Variants in FAM184A observed in about 807,000 individuals in gnomAD.
FAM184A encodes protein FAM184A.
FAM184A carries 99 observed loss-of-function variants against 143.8 expected under a neutral mutation model. The observed-to-expected ratio is 0.69, with a 90% CI of 0.58 to 0.81. FAM184A has a LOEUF of 0.81. FAM184A is among the 40% of genes least tolerant of loss of function. The pLI is 0.00. For synonymous variants in FAM184A, 427 were observed against 446.4 expected, an observed-to-expected ratio of 0.96 and a Z score of 0.55; for missense variants, 1,217 against 1,310.5, an observed-to-expected ratio of 0.93 and a Z score of 1.10.
At chr6:119,087,571 A>T (rs191826488) in intron 1 of FAM184A, among the ~76,000 whole-genome samples, 7 of 152,362 alleles carry the variant, frequency 4.6e-5, no homozygotes, top group African/African-American at 1.7e-4. Context: ...CTGCTATCAA[A>T]AAAACAAAAC....
At chr6:119,146,793 A>G (rs1772450853) in intron 1 of FAM184A, among the ~76,000 whole-genome samples, 1 of 152,080 alleles carries the variant, frequency 6.6e-6, no homozygotes, top group Non-Finnish European at 1.5e-5. Context: ...TAGAGTTAAA[A>G]TCACTAGCAG....
intron 1 of FAM184A, among the ~76,000 whole-genome samples, chr6:119,125,420 T>C (rs59989777): frequency 0.032 from 4,928 of 152,148 alleles, 126 homozygotes; most frequent in African/African-American, 0.064. Flanking sequence ...GGACTATAGG[T>C]CGGGACTATG....
intron 5 of FAM184A, among the ~76,000 whole-genome samples, chr6:119,012,806 G>T (rs1188394017): frequency 6.6e-6 from 1 of 152,168 alleles, no homozygotes; most frequent in African/African-American, 2.4e-5. Flanking sequence ...GCCAGCCAAG[G>T]GCCAACTTGC....
Position 119,024,035 on chromosome 6 carries a change from T to C in FAM184A, c.938A>G (p.Gln313Arg), listed in dbSNP as rs1443325519. 1.9e-6 allele frequency: 3 copies of C among 1,613,934 alleles called. No individual in the cohort carries two copies. In the African/African-American group the frequency reaches 4.0e-5, roughly 22 times the overall value. ...GKLKTELQMV[Q>R]DEAGSLLDKC... The stretch of plus-strand genomic sequence containing the variant: ...GTCAAGAAGACTTCCAGCTTCATCC[T>C]GTACCATCTGTAACTCTGTCTTTAA... The change falls in exon 2 of 18, where the codon CAG (glutamine) becomes CGG (arginine). Residue 313 changes from glutamine (Q) to arginine (R), a missense_variant. Transcript: ENST00000338891.
In FAM184A at chr6:119,107,360, T is replaced by C. The variant is rs373482407; in HGVS notation, c.-202+41718A>G. The stretch of plus-strand genomic sequence containing the variant: ...TACTCAGGAATAGAAGTAAAGATTA[T>C]AATTTGGAGTGCATGGAATGGCAAG... On this transcript the variant is annotated intron_variant, in intron 1 of 16. Transcript: ENST00000352896. Among the ~76,000 whole-genome samples, 3 of 152,196 alleles carry C rather than the reference T, an allele frequency of 2.0e-5. No individual in the cohort carries two copies. The East Asian group carries it at 5.8e-4, about 29-fold the overall frequency.
chr6:119,135,982 G>A (rs1789649058), intron 1 of FAM184A, among the ~76,000 whole-genome samples: 1 of 151,252 alleles, frequency 6.6e-6, no homozygotes, highest in Non-Finnish European at 1.5e-5. Context: ...AAAAAAAGCA[G>A]AAAGAATATT....
chr6:119,071,960 CA>C (rs1337137976), intron 1 of FAM184A, among the ~76,000 whole-genome samples: 1 of 141,324 alleles, frequency 7.1e-6, no homozygotes, highest in Non-Finnish European at 1.5e-5. Flanking sequence ...CTCCTGGGTT[CA>C]AGCAATTCTT....
intron 1 of FAM184A, among the ~76,000 whole-genome samples, chr6:119,092,158 G>A (rs1788388226): frequency 6.6e-6 from 1 of 152,152 alleles, no homozygotes; most frequent in Non-Finnish European, 1.5e-5. Context: ...TTACTTGGGG[G>A]ACAGGATCTC....
chr6:118,995,712 T>G (rs1264652459), intron 9 of FAM184A, among the ~76,000 whole-genome samples: 1 of 152,216 alleles, frequency 6.6e-6, no homozygotes, highest in African/African-American at 2.4e-5. Flanking sequence ...ATACTTTTTC[T>G]CAGAGACTCG....
intron 5 of FAM184A, among the ~76,000 whole-genome samples, chr6:119,013,856 C>T (rs765275568): frequency 7.2e-5 from 11 of 152,142 alleles, no homozygotes; most frequent in Non-Finnish European, 1.3e-4. Context: ...GTGGCTCTCA[C>T]GAAATCATCG....
chr6:119,129,279 G>T (rs1789462871), intron 1 of FAM184A, among the ~76,000 whole-genome samples: 1 of 152,200 alleles, frequency 6.6e-6, no homozygotes, highest in Non-Finnish European at 1.5e-5. Flanking sequence ...GAGGATCTGT[G>T]GCTGGGCAGA....
At chr6:118,961,077 A>T (rs1279513775) in intron 17 of FAM184A, among the ~76,000 whole-genome samples, 1 of 152,150 alleles carries the variant, frequency 6.6e-6, no homozygotes, top group Non-Finnish European at 1.5e-5. Flanking sequence ...AAAAAAACAT[A>T]AAGCAGCAAA....
intron 1 of FAM184A, among the ~76,000 whole-genome samples, chr6:119,037,986 CAAG>C (rs201389258): frequency 0.012 from 1,825 of 152,114 alleles, 40 homozygotes; most frequent in African/African-American, 0.041. Context: ...TGTCAGAATA[CAAG>C]AAGGTAAAAC....
At chr6:119,098,092 C>G (rs1461984025) in intron 1 of FAM184A, among the ~76,000 whole-genome samples, 2 of 152,038 alleles carry the variant, frequency 1.3e-5, no homozygotes, top group Non-Finnish European at 2.9e-5. Flanking sequence ...GTGGGAGGGA[C>G]CCGGTGAGAG....
chr6:119,128,075 T>G (rs1015345894), intron 1 of FAM184A, among the ~76,000 whole-genome samples: 5 of 152,132 alleles, frequency 3.3e-5, no homozygotes, highest in Non-Finnish European at 7.3e-5. Context: ...ACCTCCTCCC[T>G]TTGGAGTTTA....
intron 1 of FAM184A, among the ~76,000 whole-genome samples, chr6:119,114,278 A>G (rs569916984): frequency 6.6e-6 from 1 of 152,316 alleles, no homozygotes; most frequent in South Asian, 2.1e-4. Flanking sequence ...ATGCCCAGTT[A>G]AATTTGATTT....
chr6:119,140,546 C>T (rs184642304), intron 1 of FAM184A, among the ~76,000 whole-genome samples: 1 of 152,330 alleles, frequency 6.6e-6, no homozygotes, highest in African/African-American at 2.4e-5. Context: ...CGGAACCATG[C>T]TCTCCGCTTT....
chr6:119,111,244 T>G (rs1788922473), intron 1 of FAM184A, among the ~76,000 whole-genome samples: 3 of 152,212 alleles, frequency 2.0e-5, no homozygotes, highest in Admixed American at 2.0e-4. Flanking sequence ...AAGACTTAAC[T>G]GCAATAAGCC....
At chr6:119,098,058 T>C (rs531825214) in intron 1 of FAM184A, among the ~76,000 whole-genome samples, 52 of 152,306 alleles carry the variant, frequency 3.4e-4, no homozygotes, top group South Asian at 1.7e-3. Context: ...TCTTGAATTG[T>C]AGCTCCCATA....
Sources: gnomAD v4.1 joint callset for allele counts (sites outside exome capture counted in the v4.1 genomes callset) on GRCh38, gnomAD v4.1.1 for gene constraint, MANE v1.5 for transcripts, NCBI Gene and HGNC (gene_info 2026-07-23, HGNC 2026-07-21) for gene names.